ZFYVE26: variants seen among roughly 807,000 people sequenced by gnomAD.
ZFYVE26 encodes the protein zinc finger FYVE domain-containing protein 26.
In ZFYVE26, 181 loss-of-function variants were observed where a neutral mutation model predicts 276.5. That is an observed-to-expected ratio of 0.65 (90% confidence interval 0.58 to 0.74). ZFYVE26 has a LOEUF of 0.74. Ranked by LOEUF, ZFYVE26 falls within the 30% of genes least tolerant of loss-of-function variation. The pLI is 0.00. For synonymous variants in ZFYVE26, 1,129 were observed against 1,203.1 expected (o/e 0.94, Z 1.27); for missense variants, 2,821 against 3,097.9 (o/e 0.91, Z 2.12).
rs148104959 is a variant in ZFYVE26 at position 67,815,890 on chromosome 14, C to G, written c.74G>C (p.Arg25Pro). The G allele has an allele frequency of 1.2e-4, 195 of 1,614,044 alleles. 1 individual carries two copies. The African/African-American group carries it at 2.4e-3, about 20-fold the overall frequency. Residue 25 changes from arginine to proline, a missense_variant, in exon 2 of 42, where the codon CGG (arginine) becomes CCG (proline). By Grantham distance (103) the Arg-to-Pro change is moderately radical. Coordinates refer to ENST00000347230, the MANE Select transcript of ZFYVE26 (RefSeq NM_015346.4). ...CTGTGCCAGCTCCCATTCTCCCCTCCGCAGGCATTCGCAGAAAAATCCAAA... is the reference window on the plus strand; with the variant it reads ...CTGTGCCAGCTCCCATTCTCCCCTCGGCAGGCATTCGCAGAAAAATCCAAA... ...QLFGFFCECLRRGEWELAQAC... is the reference protein window; with the variant it reads ...QLFGFFCECLPRGEWELAQAC...
chr14:67,775,912 T>C lies in ZFYVE26; in HGVS notation c.5169A>G (p.Arg1723=). Residue 1723 remains arginine, a synonymous_variant, in exon 26 of 42, where the codon AGA becomes AGG. Coordinates refer to ENST00000347230, the MANE Select transcript of ZFYVE26 (RefSeq NM_015346.4). ...TMDEVDSLLS[R]YAEKALDFPY... ...GAAAGTCCAGGGCTTTCTCTGCGTA[T>C]CTGGAAAGCAGTGAGTCCACCTCGT... The C allele has an allele frequency of 6.2e-7, 1 of 1,614,266 alleles. No homozygotes were observed. Among genetic ancestry groups the C allele is most frequent in the Non-Finnish European group, 8.5e-7 (1 of 1,180,046 alleles).
chr14:67,784,541 A>C, intron 19 of ZFYVE26, 105 bp from the exon 20 acceptor site: 1 of 974,130 alleles, frequency 1.0e-6, no homozygotes, highest in Non-Finnish European at 1.7e-6. Flanking sequence ...GATGAAGACA[A>C]TATGGAGAGC....
chr14:67,751,319 G>T, intron 40 of ZFYVE26: 1 of 607,880 alleles, frequency 1.6e-6, no homozygotes, highest in Non-Finnish European at 2.9e-6. Context: ...ATTTTAACCT[G>T]CTTCATTTCC....
intron 11 of ZFYVE26, 83 bp downstream of exon 11, chr14:67,797,931 A>T: frequency 6.2e-7 from 1 of 1,607,220 alleles, no homozygotes; most frequent in South Asian, 1.1e-5. Context: ...GGTGACTCCT[A>T]TGTACTCCTA....
intron 8 of ZFYVE26, among the ~76,000 whole-genome samples, chr14:67,804,956 G>A (rs2040146917): frequency 6.6e-6 from 1 of 152,220 alleles, no homozygotes; most frequent in African/African-American, 2.4e-5. Flanking sequence ...CTTATGGTAA[G>A]TGCACTGGAA....
intron 12 of ZFYVE26, among the ~76,000 whole-genome samples, chr14:67,795,252 C>CA (rs2039926952): frequency 6.6e-6 from 1 of 152,126 alleles, no homozygotes. Flanking sequence ...CCTTCTGACC[C>CA]AAAACAATTA....
In ZFYVE26 at chr14:67,804,546, T is replaced by C. The variant is rs528125257; in HGVS notation, c.1272-282A>G. Among the ~76,000 whole-genome samples the C allele has an allele frequency of 5.9e-5, 9 of 152,300 alleles. No homozygotes were observed. The East Asian group carries it at 1.7e-3, about 29-fold the overall frequency. On this transcript the variant is annotated intron_variant, in intron 8 of 41. Transcript: ENST00000347230. ...GTCCTACAGACTGAATTTTCTAATTTCTACACCCTCTCCAGCTTCAAATGA... is the reference window on the plus strand; with the variant it reads ...GTCCTACAGACTGAATTTTCTAATTCCTACACCCTCTCCAGCTTCAAATGA...
intron 7 of ZFYVE26, 29 bp downstream of exon 7, chr14:67,805,425 A>AGCAGCCTGGGAT (rs779156086): frequency 1.7e-5 from 28 of 1,614,018 alleles, no homozygotes; most frequent in Non-Finnish European, 2.3e-5. Context: ...TCACTTCCAG[A>AGCAGCCTGGGAT]GCAGCCTGGG....
chr14:67,808,771 G>A (rs1710451116), intron 4 of ZFYVE26, among the ~76,000 whole-genome samples: 1 of 151,618 alleles, frequency 6.6e-6, no homozygotes, highest in African/African-American at 2.4e-5. Context: ...AATAAGTATT[G>A]GGCCTCAGAG....
At chr14:67,753,572 C>T in intron 39 of ZFYVE26, 135 bp downstream of exon 39, 1 of 991,450 alleles carries the variant, frequency 1.0e-6, no homozygotes, top group Non-Finnish European at 1.5e-6. Context: ...GTAACAGTCA[C>T]ATCCTTGATT....
intron 4 of ZFYVE26, 63 bp from the exon 5 acceptor site, chr14:67,807,983 C>A: frequency 6.4e-7 from 1 of 1,574,354 alleles, no homozygotes; most frequent in South Asian, 1.1e-5. Context: ...CACTTGTGTG[C>A]CTTCATGCTT....
downstream of ZFYVE26, among the ~76,000 whole-genome samples, chr14:67,742,838 C>CTTCTTTTTTTTTTTT (rs769663149): frequency 6.2e-4 from 56 of 89,762 alleles, no homozygotes; most frequent in East Asian, 9.2e-4. Flanking sequence ...TCTTCTTCTT[C>CTTCTTTTTTTTTTTT]TTTTTTTTTT....
intron 32 of ZFYVE26, among the ~76,000 whole-genome samples, chr14:67,764,613 G>A (rs1488800767): frequency 6.6e-6 from 1 of 152,172 alleles, no homozygotes; most frequent in African/African-American, 2.4e-5. Flanking sequence ...AAATCCAAGA[G>A]TTTGTAAGTG....
chr14:67,741,594 T>A (rs1594873421), downstream of ZFYVE26, among the ~76,000 whole-genome samples: 2 of 152,348 alleles, frequency 1.3e-5, no homozygotes, highest in South Asian at 4.1e-4. Context: ...AAAGATCAAG[T>A]GTTTATTGAA....
At position 67,751,013 on chromosome 14, in the gene ZFYVE26, T is replaced by A. The variant is rs779013879; in HGVS notation, c.7416+39A>T. The A allele has an allele frequency of 1.2e-5, 19 of 1,613,692 alleles. No homozygotes were observed. The East Asian group carries it at 4.0e-4, about 34-fold the overall frequency. ...TGACTAGGCAAGCCTGAGACACAAT[T>A]CATTGGCATCACCAGCGTTTGGAGA... is the stretch of plus-strand genomic sequence containing the variant. On this transcript the variant is annotated intron_variant, in intron 41 of 41. Coordinates refer to ENST00000347230, the MANE Select transcript of ZFYVE26 (RefSeq NM_015346.4).
At chr14:67,809,059 C>T (rs926874617) in intron 4 of ZFYVE26, 141 bp downstream of exon 4, 4 of 776,970 alleles carry the variant, frequency 5.1e-6, no homozygotes, top group Non-Finnish European at 9.1e-6. Flanking sequence ...CTAAACTCTC[C>T]TCAAAGGAGC....
intron 10 of ZFYVE26, among the ~76,000 whole-genome samples, chr14:67,801,664 T>G (rs1420844580): frequency 4.6e-5 from 7 of 152,264 alleles, no homozygotes; most frequent in Non-Finnish European, 5.9e-5. Context: ...TTTAAAAAGA[T>G]GAAATAGGAA....
chr14:67,732,738 G>A (rs61584136), intron 13 of ZFYVE26, among the ~76,000 whole-genome samples: 2,603 of 152,010 alleles, frequency 0.017, 87 homozygotes, highest in African/African-American at 0.059. Flanking sequence ...CACCACACCC[G>A]GCTAATTGTT....
chr14:67,809,326 T>G, intron 3 of ZFYVE26, 37 bp from the exon 4 acceptor site: 32 of 1,354,258 alleles, frequency 2.4e-5, no homozygotes, highest in Non-Finnish European at 3.2e-5. Context: ...AGAGATGAGA[T>G]ATATGTTTTA....
Sources: allele counts gnomAD v4.1 joint callset (sites outside exome capture counted in the v4.1 genomes callset), GRCh38; gene constraint gnomAD v4.1.1; transcripts MANE v1.5; gene names NCBI Gene and HGNC (gene_info 2026-07-23, HGNC 2026-07-21).